Variants in CTNNA2 observed in about 807,000 individuals in gnomAD.
CTNNA2 encodes the protein catenin alpha 2, also known as catenin alpha-2.
Under a neutral mutation model 101.0 loss-of-function variants are expected in CTNNA2, and 42 were observed. The ratio of observed to expected loss-of-function variants is 0.42; its 90% CI spans 0.32 to 0.54. The LOEUF (loss-of-function observed/expected upper bound fraction) is 0.54, where lower values mean the gene tolerates loss of function less well. CTNNA2 is among the 20% of genes least tolerant of loss of function. The pLI is 0.14. For synonymous variants in CTNNA2, 450 were observed against 456.4 expected (o/e 0.99, Z 0.18); for missense variants, 871 against 1,223.1 (o/e 0.71, Z 4.29).
chr2:80,331,199 C>T (rs1009585220), intron 7 of CTNNA2, among the ~76,000 whole-genome samples: 4 of 152,132 alleles, frequency 2.6e-5, no homozygotes, highest in African/African-American at 7.2e-5. Context: ...AGAGCAGCCA[C>T]GACTGTGTCA....
intron 3 of CTNNA2, among the ~76,000 whole-genome samples, chr2:79,765,774 A>G (rs968138563): frequency 4.6e-5 from 7 of 152,160 alleles, no homozygotes; most frequent in Non-Finnish European, 4.4e-5. Context: ...ATGAGATGTG[A>G]TCTTTCTCTT....
At chr2:80,183,905 G>A (rs1323653273) in intron 7 of CTNNA2, among the ~76,000 whole-genome samples, 1 of 151,920 alleles carries the variant, frequency 6.6e-6, no homozygotes, top group Non-Finnish European at 1.5e-5. Context: ...GTGTGTGTGT[G>A]TGTGTAAGCA....
chr2:80,532,540 A>G (rs1228111710), intron 9 of CTNNA2, among the ~76,000 whole-genome samples: 1 of 152,182 alleles, frequency 6.6e-6, no homozygotes, highest in Non-Finnish European at 1.5e-5. Context: ...TATTTTTACA[A>G]TTGTTCTATT....
intron 2 of CTNNA2, among the ~76,000 whole-genome samples, chr2:79,206,076 G>A (rs746701111): frequency 1.3e-4 from 19 of 151,982 alleles, no homozygotes; most frequent in African/African-American, 1.7e-4. Flanking sequence ...AAAGTGGCAC[G>A]TCTGCTGTAT....
intron 2 of CTNNA2, among the ~76,000 whole-genome samples, chr2:79,213,774 AGT>A (rs1295693501): frequency 6.6e-6 from 1 of 152,158 alleles, no homozygotes; most frequent in Non-Finnish European, 1.5e-5. Context: ...CTCAACAAAG[AGT>A]GAGTATAGCT....
chr2:79,788,623 G>GCATGCATACATGTCCA (rs1399327379), intron 3 of CTNNA2, among the ~76,000 whole-genome samples: 1 of 152,152 alleles, frequency 6.6e-6, no homozygotes, highest in South Asian at 2.1e-4. Flanking sequence ...GTGGTTGCAT[G>GCATGCATACATGTCCA]CATGCATACA....
chr2:80,644,740 G>C (rs971294638), intron 18 of CTNNA2, among the ~76,000 whole-genome samples: 1 of 152,056 alleles, frequency 6.6e-6, no homozygotes, highest in African/African-American at 2.4e-5. Context: ...CAGTTCAGTT[G>C]GCTGGATCTC....
At chr2:80,355,697 G>A (rs930415035) in intron 7 of CTNNA2, among the ~76,000 whole-genome samples, 2 of 152,092 alleles carry the variant, frequency 1.3e-5, no homozygotes, top group South Asian at 2.1e-4. Context: ...CAGCAAAGAT[G>A]CTCCGTTGTA....
chr2:79,733,083 G>A (rs1687304394), intron 2 of CTNNA2, among the ~76,000 whole-genome samples: 1 of 152,096 alleles, frequency 6.6e-6, no homozygotes, highest in South Asian at 2.1e-4. Context: ...TTCGCTGGTG[G>A]CACCCAGCAG....
chr2:80,068,352 C>T (rs1185964763), intron 7 of CTNNA2, among the ~76,000 whole-genome samples: 2 of 152,196 alleles, frequency 1.3e-5, no homozygotes. Context: ...GGAGGTCATG[C>T]TTCTCCTGTT....
chr2:79,294,235 A>AGAG (rs759388173), intron 2 of CTNNA2, among the ~76,000 whole-genome samples: 1 of 150,906 alleles, frequency 6.6e-6, no homozygotes, highest in African/African-American at 2.4e-5. Context: ...AAGAAGAAGA[A>AGAG]GAAGAGGAGG....
chr2:80,383,151 A>C (rs781699223), intron 7 of CTNNA2, among the ~76,000 whole-genome samples: 1 of 152,210 alleles, frequency 6.6e-6, no homozygotes, highest in Admixed American at 6.5e-5. Context: ...TTGCCTGGCA[A>C]GTAATCACTG....
intron 1 of CTNNA2, among the ~76,000 whole-genome samples, chr2:79,562,391 T>C (rs1674835900): frequency 6.6e-6 from 1 of 152,036 alleles, no homozygotes. Context: ...TTAAAGTTTG[T>C]GTTTTTAAAA....
chr2:79,679,596 G>A (rs1683419752), intron 2 of CTNNA2, among the ~76,000 whole-genome samples: 1 of 152,012 alleles, frequency 6.6e-6, no homozygotes, highest in South Asian at 2.1e-4. Flanking sequence ...TGTGGTCCTG[G>A]CCTTCTGTTT....
intron 1 of CTNNA2, among the ~76,000 whole-genome samples, chr2:79,525,329 C>A (rs1672343741): frequency 6.6e-6 from 1 of 151,910 alleles, no homozygotes; most frequent in Non-Finnish European, 1.5e-5. Context: ...TTTTTCAAAT[C>A]ACGAAAATGG....
At chr2:79,551,999 T>C (rs1016500121) in intron 1 of CTNNA2, among the ~76,000 whole-genome samples, 1 of 152,140 alleles carries the variant, frequency 6.6e-6, no homozygotes. Flanking sequence ...TCCCAAATCT[T>C]ATATTCTTCT....
At position 80,303,043 on chromosome 2, in the gene CTNNA2, C is replaced by A; in HGVS notation, c.1057-90168C>A. The A allele has an allele frequency of 6.2e-7, 1 of 1,613,888 alleles. No homozygotes were observed. The highest frequency in any genetic ancestry group is 8.5e-7 in the Non-Finnish European group (1 of 1,180,002). On this transcript the variant is annotated intron_variant, in intron 7 of 18. Transcript: ENST00000402739. This position sits in a 1 kb window ranked among gnomAD's most constrained non-coding sequence, Gnocchi z 7.7. Reference sequence around the variant, plus strand: ...TCTCGTTGCCCGACAAGTCCATTTTCTCCAGGTTCCAAACCCAGTCCAGCG... The same window carrying A: ...TCTCGTTGCCCGACAAGTCCATTTTATCCAGGTTCCAAACCCAGTCCAGCG...
chr2:79,472,882 A>ATCCAATT (rs1470700641), intron 4 of CTNNA2, among the ~76,000 whole-genome samples: 1 of 152,242 alleles, frequency 6.6e-6, no homozygotes, highest in Non-Finnish European at 1.5e-5. Flanking sequence ...CCAGCTAAGT[A>ATCCAATT]TCCAATTTAA....
At chr2:79,839,106 T>A (rs926315832) in intron 3 of CTNNA2, among the ~76,000 whole-genome samples, 2 of 152,116 alleles carry the variant, frequency 1.3e-5, no homozygotes, top group South Asian at 4.1e-4. Context: ...TAATACTTTC[T>A]TTAATCATGG....
Sources: gnomAD v4.1 joint callset for allele counts (sites outside exome capture counted in the v4.1 genomes callset) on GRCh38, gnomAD v4.1.1 for gene constraint, Gnocchi (gnomAD v3.1) non-coding constraint, MANE v1.5 for transcripts, NCBI Gene and HGNC (gene_info 2026-07-23, HGNC 2026-07-21) for gene names.